The following APPBP2 variants were observed in gnomAD, a reference collection of about 807,000 sequenced individuals.
The protein encoded by APPBP2 is amyloid beta precursor protein binding protein 2, also known as amyloid protein-binding protein 2.
APPBP2 carries 15 observed loss-of-function variants against 76.0 expected under a neutral mutation model. That is an observed-to-expected ratio of 0.20 (90% confidence interval 0.13 to 0.30). APPBP2 has a LOEUF of 0.30. Among genes scored for constraint, APPBP2 ranks in the 10% least tolerant of loss-of-function variants. APPBP2 has a pLI of 1.00. For missense variants in APPBP2, 401 were observed against 687.2 expected (o/e 0.58, Z 4.66); for synonymous variants, 222 against 242.2 (o/e 0.92, Z 0.77).
At chr17:60,477,215 T>C (rs902523057) in intron 4 of APPBP2, among the ~76,000 whole-genome samples, 8 of 152,188 alleles carry the variant, frequency 5.3e-5, no homozygotes, top group Non-Finnish European at 8.8e-5. Context: ...GACTGACTTG[T>C]CTTGTGAGAA....
chr17:60,468,533 G>C (rs1304897735), intron 4 of APPBP2: 1 of 152,168 alleles, frequency 6.6e-6, no homozygotes, highest in African/African-American at 2.4e-5. Context: ...TTTAGTAATT[G>C]GCACATGATG....
At chr17:60,488,627 T>C (rs2090700646) in intron 3 of APPBP2, among the ~76,000 whole-genome samples, 1 of 152,168 alleles carries the variant, frequency 6.6e-6, no homozygotes. Context: ...TCTTGGGTAA[T>C]TTTAGGATTA....
intron 3 of APPBP2, among the ~76,000 whole-genome samples, chr17:60,483,512 G>A: frequency 6.6e-6 from 1 of 152,090 alleles, no homozygotes; most frequent in East Asian, 1.9e-4. Context: ...TCCTGCCTGA[G>A]CCTCCCAAAT....
intron 2 of APPBP2, among the ~76,000 whole-genome samples, chr17:60,495,678 A>C (rs944825868): frequency 1.3e-5 from 2 of 151,798 alleles, no homozygotes; most frequent in African/African-American, 4.8e-5. Flanking sequence ...AAAAACGGGA[A>C]CCCTCATACA....
chr17:60,498,094 T>C (rs2090791045), intron 2 of APPBP2, among the ~76,000 whole-genome samples: 1 of 151,230 alleles, frequency 6.6e-6, no homozygotes, highest in African/African-American at 2.4e-5. Context: ...GCCACTGCAC[T>C]CCAGGCTGGG....
intron 1 of APPBP2, among the ~76,000 whole-genome samples, chr17:60,520,763 C>T (rs1235664414): frequency 6.6e-6 from 1 of 151,972 alleles, no homozygotes; most frequent in Non-Finnish European, 1.5e-5. Context: ...AGTCTCACTA[C>T]ATTGCCCCAG....
intron 4 of APPBP2, among the ~76,000 whole-genome samples, chr17:60,476,966 A>T (rs7213753): frequency 0.082 from 12,502 of 152,220 alleles, 1,699 homozygotes; most frequent in African/African-American, 0.28. Flanking sequence ...TTTGCTCCTC[A>T]GACTATACTT....
chr17:60,459,320 C>A (rs1206476723), intron 9 of APPBP2, among the ~76,000 whole-genome samples: 2 of 152,048 alleles, frequency 1.3e-5, no homozygotes, highest in African/African-American at 4.8e-5. Flanking sequence ...TTTCTGTTTG[C>A]AGATCCTGAT....
At chr17:60,491,077 T>C (rs2090725250) in intron 3 of APPBP2, among the ~76,000 whole-genome samples, 2 of 152,076 alleles carry the variant, frequency 1.3e-5, no homozygotes, top group South Asian at 2.1e-4. Context: ...TTGGAACAGT[T>C]TGGAGGGCTC....
At chr17:60,524,413 T>C (rs1397287299) in intron 1 of APPBP2, among the ~76,000 whole-genome samples, 1 of 152,100 alleles carries the variant, frequency 6.6e-6, no homozygotes, top group Non-Finnish European at 1.5e-5. Context: ...CAAAATTTCC[T>C]TAGAATACAC....
chr17:60,512,354 C>T (rs1158943970), intron 1 of APPBP2, among the ~76,000 whole-genome samples: 2 of 151,964 alleles, frequency 1.3e-5, no homozygotes, highest in Non-Finnish European at 2.9e-5. Context: ...CCGCCCGCCT[C>T]GGCCTCCCAA....
chr17:60,497,960 G>A (rs916371508), intron 2 of APPBP2, among the ~76,000 whole-genome samples: 3 of 151,966 alleles, frequency 2.0e-5, no homozygotes, highest in African/African-American at 4.8e-5. Flanking sequence ...GCAACATGGC[G>A]AAACCCCATC....
At position 60,444,778 on chromosome 17, in the gene APPBP2, C is replaced by T. The variant is rs1185924422; in HGVS notation, c.*2803G>A. The T allele has an allele frequency of 6.6e-6, 1 of 152,432 alleles. No individual in the cohort carries two copies. The highest frequency in any genetic ancestry group is 1.5e-5 in the Non-Finnish European group (1 of 68,030). 9.4% of individuals were successfully genotyped at this position (152,432 alleles called of 1,614,324 possible). ...ACACATGCGAGTGCTGACGGAGCTC[C>T]CTGATGCACCCAACTGGAGTAGCAC... On this transcript the variant is annotated 3_prime_UTR_variant, in exon 13 of 13. Transcript: ENST00000083182.
intron 3 of APPBP2, among the ~76,000 whole-genome samples, chr17:60,484,875 G>A (rs375138100): frequency 2.9e-5 from 4 of 140,190 alleles, no homozygotes; most frequent in South Asian, 2.1e-4. Context: ...TGTCTTAAAC[G>A]GCTATTATTT....
At chr17:60,466,219 A>C in intron 5 of APPBP2, 72 bp downstream of exon 5, 1 of 1,369,194 alleles carries the variant, frequency 7.3e-7, no homozygotes, top group Non-Finnish European at 1.0e-6. Flanking sequence ...AAATAAGAGA[A>C]GACTATTTGA....
chr17:60,461,374 C>CAAA, intron 8 of APPBP2: 1 of 145,848 alleles, frequency 6.9e-6, no homozygotes, highest in Non-Finnish European at 1.5e-5. Context: ...AACTGTGTCT[C>CAAA]AAAAAAAAAA....
chr17:60,515,224 T>C (rs1176433038), intron 1 of APPBP2, among the ~76,000 whole-genome samples: 2 of 150,404 alleles, frequency 1.3e-5, no homozygotes, highest in East Asian at 3.9e-4. Flanking sequence ...CAAGCAGATC[T>C]CCTGCCTCAG....
Position 60,456,378 on chromosome 17 carries a change from A to T in APPBP2, c.1065T>A (p.Phe355Leu). Residue 355 changes from phenylalanine to leucine, a missense_variant, in exon 10 of 13, where the codon TTT (phenylalanine) becomes TTA (leucine). Phe to Leu is a conservative substitution (Grantham distance 22). Around this residue, in one of 5 missense-constraint regions of APPBP2, gnomAD observed 130 missense variants for 322.7 expected, o/e 0.40. Coordinates refer to ENST00000083182, the MANE Select transcript of APPBP2 (RefSeq NM_006380.5). The part of the protein sequence containing the change: ...YSSGKFDNAL[F>L]HAERAIGIIT... The stretch of plus-strand genomic sequence containing the variant: ...TGATACCAATAGCTCTTTCTGCATG[A>T]AATCTGTAATACAGATAGATACAGT... 1 of 1,589,884 alleles carries T rather than the reference A, an allele frequency of 6.3e-7. No homozygotes were observed. The highest frequency in any genetic ancestry group is 1.1e-5 in the South Asian group (1 of 90,574).
intron 1 of APPBP2, among the ~76,000 whole-genome samples, chr17:60,511,090 C>T (rs553168407): frequency 6.6e-6 from 1 of 152,214 alleles, no homozygotes; most frequent in East Asian, 1.9e-4. Context: ...GTTACCACAG[C>T]ACAAATGGAA....
Sources: gnomAD v4.1 joint callset for allele counts (sites outside exome capture counted in the v4.1 genomes callset) on GRCh38, gnomAD v4.1.1 for gene constraint, gnomAD v4.1.1 regional missense constraint, MANE v1.5 for transcripts, NCBI Gene and HGNC (gene_info 2026-07-23, HGNC 2026-07-21) for gene names.